TMEM132D: variants seen among roughly 807,000 people sequenced by gnomAD.
The protein encoded by TMEM132D is transmembrane protein 132D, also known as mature OL transmembrane protein.
A neutral mutation model predicts 62.3 loss-of-function variants in TMEM132D; 21 were observed. The ratio of observed to expected loss-of-function variants is 0.34; its 90% CI spans 0.24 to 0.49. The LOEUF (loss-of-function observed/expected upper bound fraction) is 0.49, where lower values mean the gene tolerates loss of function less well. Ranked by LOEUF, TMEM132D falls within the 20% of genes least tolerant of loss-of-function variation. The pLI is 0.99. For synonymous variants in TMEM132D, 621 were observed against 575.6 expected, an observed-to-expected ratio of 1.08 and a Z score of -1.13; for missense variants, 1,346 against 1,402.8, an observed-to-expected ratio of 0.96 and a Z score of 0.65.
intron 2 of TMEM132D, among the ~76,000 whole-genome samples, chr12:129,561,492 T>C (rs1411828387): frequency 6.6e-6 from 1 of 152,170 alleles, no homozygotes; most frequent in African/African-American, 2.4e-5. Context: ...GTTTCACTGA[T>C]TGAAAATCCA....
chr12:129,172,810 T>A (rs1037369384), intron 5 of TMEM132D, among the ~76,000 whole-genome samples: 1 of 152,162 alleles, frequency 6.6e-6, no homozygotes, highest in Admixed American at 6.5e-5. Context: ...ACTCCCGGCC[T>A]CAGGCGATCC....
intron 2 of TMEM132D, among the ~76,000 whole-genome samples, chr12:129,553,121 C>T (rs574904819): frequency 6.6e-6 from 1 of 152,292 alleles, no homozygotes; most frequent in South Asian, 2.1e-4. Context: ...CCTTTTGAGA[C>T]TCCGAGAGTG....
intron 5 of TMEM132D, among the ~76,000 whole-genome samples, chr12:129,193,380 G>A (rs1215504823): frequency 1.3e-5 from 2 of 151,552 alleles, no homozygotes; most frequent in Non-Finnish European, 2.9e-5. Flanking sequence ...ATTCTCCATC[G>A]CAGAAATGGA....
At chr12:129,638,458 A>G (rs1879544176) in intron 2 of TMEM132D, among the ~76,000 whole-genome samples, 1 of 150,284 alleles carries the variant, frequency 6.7e-6, no homozygotes, top group Non-Finnish European at 1.5e-5. Context: ...CTTTCATTGA[A>G]AAAAAATCAC....
chr12:129,866,535 A>G (rs541154008), intron 1 of TMEM132D, among the ~76,000 whole-genome samples: 2 of 152,136 alleles, frequency 1.3e-5, no homozygotes, highest in African/African-American at 4.8e-5. Flanking sequence ...TGGCACATGT[A>G]TACATATGTA....
intron 1 of TMEM132D, among the ~76,000 whole-genome samples, chr12:129,780,070 T>C (rs974753493): frequency 3.9e-5 from 6 of 152,068 alleles, no homozygotes; most frequent in Non-Finnish European, 8.8e-5. Flanking sequence ...AAGAGCAGAC[T>C]TCTTAGCTTC....
chr12:129,238,695 G>A (rs200691956), intron 4 of TMEM132D, among the ~76,000 whole-genome samples: 2 of 152,186 alleles, frequency 1.3e-5, no homozygotes, highest in East Asian at 1.9e-4. Context: ...TCCACTCTAT[G>A]TATAGATCAC....
intron 1 of TMEM132D, among the ~76,000 whole-genome samples, chr12:129,701,717 G>A (rs974896747): frequency 6.6e-6 from 1 of 152,204 alleles, no homozygotes; most frequent in African/African-American, 2.4e-5. Context: ...TTTTAGAAAT[G>A]TAAACTATTG....
chr12:129,182,116 C>T (rs1277186077), intron 5 of TMEM132D, among the ~76,000 whole-genome samples: 1 of 152,144 alleles, frequency 6.6e-6, no homozygotes, highest in Non-Finnish European at 1.5e-5. Context: ...AAACCAAGCA[C>T]TTTGGGAGGC....
intron 2 of TMEM132D, among the ~76,000 whole-genome samples, chr12:129,645,763 T>C (rs1879762390): frequency 1.3e-5 from 2 of 152,152 alleles, no homozygotes; most frequent in South Asian, 4.1e-4. Context: ...AAAACCAAGA[T>C]GGTGACGGAG....
chr12:129,151,487 C>T (rs1877069981), intron 5 of TMEM132D, among the ~76,000 whole-genome samples: 1 of 152,224 alleles, frequency 6.6e-6, no homozygotes, highest in Non-Finnish European at 1.5e-5. Context: ...GTCTCCCTGA[C>T]ATGCCTCAGT....
intron 4 of TMEM132D, among the ~76,000 whole-genome samples, chr12:129,297,289 C>T (rs1452109199): frequency 6.6e-6 from 1 of 152,206 alleles, no homozygotes; most frequent in Non-Finnish European, 1.5e-5. Flanking sequence ...CCAGTTCTCT[C>T]ATCCTGACCC....
At chr12:129,118,170 T>A (rs1297170504) in intron 5 of TMEM132D, among the ~76,000 whole-genome samples, 1 of 152,220 alleles carries the variant, frequency 6.6e-6, no homozygotes, top group African/African-American at 2.4e-5. Context: ...AAAATTCTTC[T>A]CAATAAGTTT....
intron 3 of TMEM132D, among the ~76,000 whole-genome samples, chr12:129,341,283 A>G (rs1054008616): frequency 3.9e-5 from 6 of 152,260 alleles, no homozygotes; most frequent in African/African-American, 1.4e-4. Flanking sequence ...AATTCCTGAT[A>G]TTCATCAGAA....
chr12:129,799,972 G>T (rs529286165), intron 1 of TMEM132D, among the ~76,000 whole-genome samples: 1 of 152,194 alleles, frequency 6.6e-6, no homozygotes, highest in Admixed American at 6.5e-5. Flanking sequence ...AGAAATACTT[G>T]GGTCACAGGA....
chr12:129,710,940 C>T (rs1047329288), intron 1 of TMEM132D, among the ~76,000 whole-genome samples: 3 of 151,220 alleles, frequency 2.0e-5, no homozygotes, highest in African/African-American at 7.3e-5. Flanking sequence ...ACGCGCATTC[C>T]CCGGCTGTGT....
At chr12:129,673,659 C>T (rs577697431) in intron 2 of TMEM132D, among the ~76,000 whole-genome samples, 1 of 152,302 alleles carries the variant, frequency 6.6e-6, no homozygotes. Flanking sequence ...AGTGAGGAGA[C>T]AGTCAAAGAA....
intron 3 of TMEM132D, among the ~76,000 whole-genome samples, chr12:129,523,663 T>G (rs952266579): frequency 1.3e-5 from 2 of 152,140 alleles, no homozygotes; most frequent in Non-Finnish European, 1.5e-5. Flanking sequence ...ATACCAGATA[T>G]ATGGATATAA....
At chr12:129,624,723 T>C (rs559667249) in intron 2 of TMEM132D, among the ~76,000 whole-genome samples, 8 of 152,350 alleles carry the variant, frequency 5.3e-5, no homozygotes, top group Middle Eastern at 3.4e-3. Context: ...CTGTGCTCCA[T>C]GCAGGTCAGC....
Sources: allele counts gnomAD v4.1 joint callset (sites outside exome capture counted in the v4.1 genomes callset), GRCh38; gene constraint gnomAD v4.1.1; transcripts MANE v1.5; gene names NCBI Gene and HGNC (gene_info 2026-07-23, HGNC 2026-07-21).